PRKCB: variants seen among roughly 807,000 people sequenced by gnomAD.
PRKCB encodes the protein protein kinase C beta.
PRKCB carries 13 observed loss-of-function variants against 81.5 expected under a neutral mutation model. The ratio of observed to expected loss-of-function variants is 0.16; its 90% CI spans 0.10 to 0.25. The LOEUF (loss-of-function observed/expected upper bound fraction) is 0.25, where lower values mean the gene tolerates loss of function less well. PRKCB is among the 10% of genes least tolerant of loss of function. PRKCB has a pLI of 1.00. For missense variants in PRKCB, 509 were observed against 875.7 expected, an observed-to-expected ratio of 0.58 and a Z score of 5.29; for synonymous variants, 335 against 321.4, an observed-to-expected ratio of 1.04 and a Z score of -0.45.
intron 2 of PRKCB, among the ~76,000 whole-genome samples, chr16:23,985,428 T>C (rs1311725332): frequency 1.3e-5 from 2 of 152,050 alleles, no homozygotes; most frequent in East Asian, 1.9e-4. Context: ...CAATGACCAG[T>C]TGGGAAACAA....
chr16:23,878,479 T>C (rs935447114), intron 2 of PRKCB, among the ~76,000 whole-genome samples: 1 of 152,214 alleles, frequency 6.6e-6, no homozygotes, highest in Non-Finnish European at 1.5e-5. Flanking sequence ...GGGACCATTT[T>C]ACAGCAACGT....
chr16:23,965,048 T>C (rs1964469891), intron 2 of PRKCB, among the ~76,000 whole-genome samples: 1 of 152,200 alleles, frequency 6.6e-6, no homozygotes, highest in South Asian at 2.1e-4. Context: ...TGTACAGGTT[T>C]GTTACATGGG....
chr16:23,847,463 T>TGG (rs1962396529), intron 2 of PRKCB, among the ~76,000 whole-genome samples: 1 of 149,766 alleles, frequency 6.7e-6, no homozygotes, highest in Non-Finnish European at 1.5e-5. Context: ...CATCCATCCA[T>TGG]CCATCCATCC....
chr16:23,867,285 A>T (rs938923421), intron 2 of PRKCB, among the ~76,000 whole-genome samples: 2 of 151,366 alleles, frequency 1.3e-5, no homozygotes, highest in Non-Finnish European at 2.9e-5. Flanking sequence ...CACCTGGCTG[A>T]TTTTTTTTGT....
chr16:23,926,111 T>C (rs1009757435), intron 2 of PRKCB, among the ~76,000 whole-genome samples: 1 of 151,682 alleles, frequency 6.6e-6, no homozygotes, highest in African/African-American at 2.4e-5. Flanking sequence ...TCCGGCTCTA[T>C]AAAAATTAAA....
rs1013403340 is a variant in PRKCB at position 24,181,789 on chromosome 16, A to AAAAAAAAAAAAAAAAAG, written c.1533+863_1533+864insAAAAAAAAAAAAAAGAA. On this transcript the variant is annotated intron_variant, in intron 13 of 16. Coordinates refer to ENST00000643927, the MANE Select transcript of PRKCB (RefSeq NM_002738.7). Reference sequence around the variant, plus strand: ...CCTGTCTCAAAAAAAAAAAAAAAAAAAAGAAGAAGAATGACAAATAACACT... The same window carrying AAAAAAAAAAAAAAAAAG: ...CCTGTCTCAAAAAAAAAAAAAAAAAAAAAAAAAAAAAAAAAAGAAGAAGAAGAATGACAAATAACACT... 2.7e-4 allele frequency among the ~76,000 whole-genome samples: 38 copies of AAAAAAAAAAAAAAAAAG among 138,800 alleles called. 1 individual carries two copies. The highest frequency in any genetic ancestry group is 7.6e-4 in the South Asian group (3 of 3,930). The allele number at this position is 138,800 out of a possible 152,430, so 91.1% of individuals were successfully genotyped here.
At chr16:24,066,882 C>T (rs183287259) in intron 5 of PRKCB, among the ~76,000 whole-genome samples, 95 of 152,280 alleles carry the variant, frequency 6.2e-4, no homozygotes, top group African/African-American at 2.2e-3. Flanking sequence ...AAGGGTCTTG[C>T]TCTGTCACCC....
chr16:24,193,059 A>T (rs79003451), intron 16 of PRKCB, among the ~76,000 whole-genome samples: 16,024 of 152,134 alleles, frequency 0.11, 1,095 homozygotes, highest in South Asian at 0.19. Flanking sequence ...TCCAGGGCTC[A>T]TGCGATGCTC....
Position 23,990,320 on chromosome 16 carries a change from T to C in PRKCB, c.288+1730T>C, listed in dbSNP as rs1964867823. 3.3e-5 allele frequency among the ~76,000 whole-genome samples: 5 copies of C among 151,798 alleles called. No individual in the cohort carries two copies. The South Asian group carries it at 8.3e-4, about 25-fold the overall frequency. ...AAAAATACAAAAAATTAGCCAGGCA[T>C]GGTGGTGGGCGCCTGTAGTCCTAGC... On this transcript the variant is annotated intron_variant, in intron 3 of 16. Coordinates refer to ENST00000643927, the MANE Select transcript of PRKCB (RefSeq NM_002738.7).
chr16:24,103,516 A>G (rs1271252687), intron 7 of PRKCB, among the ~76,000 whole-genome samples: 2 of 152,286 alleles, frequency 1.3e-5, no homozygotes, highest in African/African-American at 2.4e-5. Flanking sequence ...TATATTAGCT[A>G]TTCGTAGAGT....
intron 2 of PRKCB, among the ~76,000 whole-genome samples, chr16:23,918,089 G>A (rs563341966): frequency 7.9e-5 from 12 of 152,252 alleles, no homozygotes; most frequent in South Asian, 2.1e-4. Context: ...TCTTAGAGCC[G>A]GCTGGGGATT....
At chr16:24,131,102 G>A (rs745759780) in intron 9 of PRKCB, among the ~76,000 whole-genome samples, 1 of 152,152 alleles carries the variant, frequency 6.6e-6, no homozygotes, top group African/African-American at 2.4e-5. Flanking sequence ...AAGCTAGCAC[G>A]AGCCAGGAAT....
intron 3 of PRKCB, among the ~76,000 whole-genome samples, chr16:24,009,829 A>G (rs1162584337): frequency 1.3e-5 from 2 of 151,996 alleles, no homozygotes; most frequent in Non-Finnish European, 2.9e-5. Context: ...AGCCTGACCA[A>G]CATGGCAGAA....
chr16:23,990,655 C>G (rs950703920), intron 3 of PRKCB, among the ~76,000 whole-genome samples: 5 of 151,890 alleles, frequency 3.3e-5, no homozygotes, highest in Non-Finnish European at 7.4e-5. Context: ...TCTAGCAACC[C>G]CCCCACCTCA....
chr16:23,931,778 T>C (rs117317362), intron 2 of PRKCB, among the ~76,000 whole-genome samples: 1 of 152,242 alleles, frequency 6.6e-6, no homozygotes, highest in East Asian at 1.9e-4. Context: ...ATAAAGACAG[T>C]TTGTATAGAT....
rs1021723763 is a variant in PRKCB at position 24,022,497 on chromosome 16, C to CT, written c.289-9631dup. Among the ~76,000 whole-genome samples the CT allele has an allele frequency of 5.9e-5, 9 of 151,982 alleles. No homozygotes were observed. The South Asian group carries it at 1.0e-3, about 18-fold the overall frequency. ...CACATTTTTTATTCTTTCTTTCTTT[C>CT]TTTTTTTTGTTTGAGACAGAGTCTC... is the stretch of plus-strand genomic sequence containing the variant. On this transcript the variant is annotated intron_variant, in intron 3 of 16. Transcript: ENST00000643927.
At position 24,163,127 on chromosome 16, in the gene PRKCB, T is replaced by C. The variant is rs117895421; in HGVS notation, c.1239+8270T>C. On this transcript the variant is annotated intron_variant, in intron 10 of 16. Coordinates refer to ENST00000643927, the MANE Select transcript of PRKCB (RefSeq NM_002738.7). Reference sequence around the variant, plus strand: ...TGGTTCAGCTTGGGTCAGGTGTTTATTCCTGGCCCAATCAGCTGGCAATTG... The same window carrying C: ...TGGTTCAGCTTGGGTCAGGTGTTTACTCCTGGCCCAATCAGCTGGCAATTG... Among the ~76,000 whole-genome samples the C allele has an allele frequency of 7.1e-3, 1,084 of 152,294 alleles. 8 individuals carry two copies. Among genetic ancestry groups the C allele is most frequent in the Admixed American group, 0.02 (308 of 15,308 alleles).
At position 23,918,643 on chromosome 16, in the gene PRKCB, C is replaced by T. The variant is rs190276325; in HGVS notation, c.206-69865C>T. Among the ~76,000 whole-genome samples, 17 of 152,234 alleles carry T rather than the reference C, an allele frequency of 1.1e-4. No individual in the cohort carries two copies. The East Asian group carries it at 3.1e-3, about 28-fold the overall frequency. ...AACTCCTGGGCTCAAGTAATCCACC[C>T]GCCTCGGCCTCCCAAAGTGCTGGGA... On this transcript the variant is annotated intron_variant, in intron 2 of 16. Transcript: ENST00000643927.
intron 5 of PRKCB, among the ~76,000 whole-genome samples, chr16:24,061,750 A>C (rs2141877946): frequency 6.6e-6 from 1 of 152,250 alleles, no homozygotes; most frequent in South Asian, 2.1e-4. Flanking sequence ...GCCCATAAAA[A>C]TAAATAACTT....
Sources: gnomAD v4.1 joint callset for allele counts (sites outside exome capture counted in the v4.1 genomes callset) on GRCh38, gnomAD v4.1.1 for gene constraint, MANE v1.5 for transcripts, NCBI Gene and HGNC (gene_info 2026-07-23, HGNC 2026-07-21) for gene names.